The following UTRN variants were observed in gnomAD, a reference collection of about 807,000 sequenced individuals.
UTRN encodes dystrophin-related protein 1.
UTRN carries 283 observed loss-of-function variants against 463.9 expected under a neutral mutation model. The observed-to-expected ratio is 0.61, with a 90% CI of 0.55 to 0.67. UTRN has a LOEUF of 0.67. UTRN is among the 30% of genes least tolerant of loss of function. UTRN has a pLI of 0.00. For synonymous variants in UTRN, 1,442 were observed against 1,431.5 expected (o/e 1.01, Z -0.17); for missense variants, 3,922 against 4,084.3 (o/e 0.96, Z 1.08).
intron 54 of UTRN, among the ~76,000 whole-genome samples, chr6:144,733,246 C>T (rs1343074992): frequency 5.3e-5 from 8 of 152,094 alleles, no homozygotes; most frequent in South Asian, 2.1e-4. Context: ...TGGCCGGACG[C>T]GGTGGCTTAC....
chr6:144,712,380 G>A (rs1324724508), intron 53 of UTRN, among the ~76,000 whole-genome samples: 2 of 152,188 alleles, frequency 1.3e-5, no homozygotes, highest in African/African-American at 4.8e-5. Context: ...TAGAGGGAGA[G>A]GTGAGACAGC....
intron 50 of UTRN, among the ~76,000 whole-genome samples, chr6:144,564,648 G>A (rs1800239969): frequency 6.6e-6 from 1 of 152,104 alleles, no homozygotes; most frequent in African/African-American, 2.4e-5. Context: ...TTCTTCACAA[G>A]GTGGCAGGAA....
chr6:144,757,859 G>GT (rs1045997330), intron 57 of UTRN, 70 bp from the exon 58 acceptor site: 1 of 1,395,688 alleles, frequency 7.2e-7, no homozygotes, highest in African/African-American at 1.5e-5. Flanking sequence ...AAAATGTTCA[G>GT]TTGTTTTGCA....
chr6:144,699,758 A>G (rs1416567330), intron 52 of UTRN, among the ~76,000 whole-genome samples: 1 of 150,050 alleles, frequency 6.7e-6, no homozygotes, highest in East Asian at 1.9e-4. Flanking sequence ...TTAAATTTTG[A>G]TAGTTATTAC....
intron 8 of UTRN, 128 bp downstream of exon 8, chr6:144,429,021 A>G: frequency 1.7e-6 from 1 of 590,710 alleles, no homozygotes. Flanking sequence ...TTTGGAGTAT[A>G]GGTGCGAGTC....
intron 51 of UTRN, among the ~76,000 whole-genome samples, chr6:144,584,164 G>A (rs1279227309): frequency 6.6e-6 from 1 of 152,110 alleles, no homozygotes; most frequent in Non-Finnish European, 1.5e-5. Flanking sequence ...TCACTTGGAT[G>A]GATGAATTAA....
At chr6:144,418,951 G>C (rs2114840123) in intron 3 of UTRN, among the ~76,000 whole-genome samples, 1 of 152,264 alleles carries the variant, frequency 6.6e-6, no homozygotes, top group Middle Eastern at 3.4e-3. Flanking sequence ...GCCATCATCA[G>C]TATTTTCTAA....
At chr6:144,312,180 C>A (rs1806327981) in intron 2 of UTRN, 1 of 152,296 alleles carries the variant, frequency 6.6e-6, no homozygotes, top group South Asian at 2.1e-4. Flanking sequence ...AATCCCAGCA[C>A]TTTGGGAGGC....
chr6:144,579,704 A>G (rs11155359), intron 51 of UTRN, among the ~76,000 whole-genome samples: 21,617 of 152,268 alleles, frequency 0.14, 2,039 homozygotes, highest in South Asian at 0.31. Flanking sequence ...TGCTGATAAA[A>G]ATATTAAAAT....
At chr6:144,842,198 G>A (rs2128763528) in intron 73 of UTRN, among the ~76,000 whole-genome samples, 1 of 146,744 alleles carries the variant, frequency 6.8e-6, no homozygotes, top group South Asian at 2.2e-4. Flanking sequence ...AAGATATATT[G>A]ACTTCATTTA....
intron 72 of UTRN, among the ~76,000 whole-genome samples, chr6:144,839,556 A>C (rs1781380956): frequency 6.6e-6 from 1 of 152,212 alleles, no homozygotes; most frequent in Admixed American, 6.5e-5. Context: ...ATGAGCAAGA[A>C]ATTAAATTAT....
intron 50 of UTRN, among the ~76,000 whole-genome samples, chr6:144,572,777 T>A (rs955293971): frequency 6.6e-6 from 1 of 152,260 alleles, no homozygotes; most frequent in African/African-American, 2.4e-5. Context: ...TGTGCCACAT[T>A]TTCTTTATCC....
At position 144,516,826 on chromosome 6, in the gene UTRN, G is replaced by A; in HGVS notation, c.5419G>A (p.Ala1807Thr). 1 of 1,489,074 alleles carries A rather than the reference G, an allele frequency of 6.7e-7. No individual in the cohort carries two copies. The allele number at this position is 1,489,074 out of a possible 1,614,324, so 92.2% of individuals were successfully genotyped here. A position where few individuals can be genotyped will look rare whatever the true frequency, so the allele number is the denominator to read the frequency against. The change falls in exon 39 of 75, where the codon GCC (alanine) becomes ACC (threonine). Residue 1807 changes from alanine to threonine, a missense_variant. Ala to Thr is a moderately conservative substitution (Grantham distance 58). This residue lies in a region of UTRN where 2,349 missense variants were observed against 2,303.8 expected (regional missense o/e 1.02). Coordinates refer to ENST00000367545, the MANE Select transcript of UTRN (RefSeq NM_007124.3). The part of the protein sequence containing the change: ...DEDEKMDEES[A>T]QIEEVLQRGE... ...AAAAATTTAGATGGATGAGGAGAGT[G>A]CCCAGATTGAGGAAGTTCTACAAAG...
At chr6:144,823,772 A>G (rs961252884) in intron 66 of UTRN, among the ~76,000 whole-genome samples, 1 of 152,236 alleles carries the variant, frequency 6.6e-6, no homozygotes, top group Admixed American at 6.5e-5. Context: ...TAGTAGCAAA[A>G]GTAATTCAAG....
chr6:144,676,804 A>T (rs1220291586), intron 51 of UTRN, among the ~76,000 whole-genome samples: 2 of 152,198 alleles, frequency 1.3e-5, no homozygotes, highest in Admixed American at 1.3e-4. Context: ...TATAAGACTG[A>T]AAGGACAAAC....
At chr6:144,640,613 C>T (rs1431178346) in intron 51 of UTRN, among the ~76,000 whole-genome samples, 3 of 151,988 alleles carry the variant, frequency 2.0e-5, no homozygotes, top group African/African-American at 7.2e-5. Context: ...ATCAGGAGTA[C>T]AGTTTATGTT....
chr6:144,820,932 G>T lies in UTRN; in HGVS notation c.9408G>T (p.Lys3136Asn). 6.2e-7 allele frequency: 1 copy of T among 1,613,906 alleles called. No homozygotes were observed. Among genetic ancestry groups the T allele is most frequent in the Non-Finnish European group, 8.5e-7 (1 of 1,179,866 alleles). ...VRDFTKVLKN[K>N]FRSKKYFAKH... ...ACTTCACAAAGGTACTTAAGAACAA[G>T]TTCAGGTCGAAGAAGTACTTTGCCA... Residue 3136 changes from lysine (K) to asparagine (N), a missense_variant, in exon 66 of 75, where the codon AAG becomes AAT. Coordinates refer to ENST00000367545, the MANE Select transcript of UTRN (RefSeq NM_007124.3).
At chr6:144,740,846 C>G (rs1562846179) in intron 54 of UTRN, among the ~76,000 whole-genome samples, 1 of 152,118 alleles carries the variant, frequency 6.6e-6, no homozygotes, top group Non-Finnish European at 1.5e-5. Context: ...GTTTGATAGA[C>G]ATAGCATTTT....
chr6:144,324,560 T>C (rs1044418546), intron 2 of UTRN, among the ~76,000 whole-genome samples: 1 of 152,196 alleles, frequency 6.6e-6, no homozygotes, highest in Non-Finnish European at 1.5e-5. Flanking sequence ...CTTTTGGAAT[T>C]CAAGACTATG....
Sources: allele counts gnomAD v4.1 joint callset (sites outside exome capture counted in the v4.1 genomes callset), GRCh38; gene constraint gnomAD v4.1.1; regional missense constraint gnomAD v4.1.1; transcripts MANE v1.5; gene names NCBI Gene and HGNC (gene_info 2026-07-23, HGNC 2026-07-21).